Variants in EIF4E2 observed in about 807,000 individuals in gnomAD.
EIF4E2 encodes eukaryotic translation initiation factor 4E type 2.
In EIF4E2, 13 loss-of-function variants were observed where a neutral mutation model predicts 34.2. The observed-to-expected ratio is 0.38, with a 90% CI of 0.25 to 0.60. The LOEUF is 0.60. EIF4E2 is among the 20% of genes least tolerant of loss of function. The pLI is 0.62. For missense variants in EIF4E2, 222 were observed against 315.1 expected, an observed-to-expected ratio of 0.70 and a Z score of 2.24; for synonymous variants, 100 against 106.6, an observed-to-expected ratio of 0.94 and a Z score of 0.38.
At chr2:232,556,989 G>A (rs964762719) in intron 2 of EIF4E2, among the ~76,000 whole-genome samples, 1 of 152,228 alleles carries the variant, frequency 6.6e-6, no homozygotes, top group Non-Finnish European at 1.5e-5. Flanking sequence ...GCTCATGCCT[G>A]TAATCCTAGC....
chr2:232,559,441 AAAAT>A (rs1553582397), intron 3 of EIF4E2, among the ~76,000 whole-genome samples: 1 of 135,356 alleles, frequency 7.4e-6, no homozygotes, highest in African/African-American at 3.4e-5. Context: ...TGGTTTGAAA[AAAAT>A]AAAAAAATAA....
intron 6 of EIF4E2, chr2:232,574,461 T>C: frequency 9.7e-7 from 1 of 1,032,690 alleles, no homozygotes; most frequent in Non-Finnish European, 1.4e-6. Flanking sequence ...AAAATATAAG[T>C]CCCAAACCAC....
chr2:232,566,804 T>C lies in EIF4E2; in HGVS notation c.376-25T>C, dbSNP rs1473314486. 3.7e-6 allele frequency: 6 copies of C among 1,613,424 alleles called. No homozygotes were observed. Among genetic ancestry groups the C allele is most frequent in the Non-Finnish European group, 5.1e-6 (6 of 1,179,856 alleles). On this transcript the variant is annotated intron_variant, in intron 4 of 6. Transcript: ENST00000258416. The surrounding 1 kb of genome is among the most constrained non-coding windows in gnomAD (Gnocchi z 4.9). ...AAAGGCTGTGAAACCATATTTTAAC[T>C]TCAGTGCTTTCTGTCTTTTTACAGG...
intron 1 of EIF4E2, among the ~76,000 whole-genome samples, chr2:232,555,342 A>G (rs1190447): frequency 0.78 from 118,591 of 152,100 alleles, 46,950 homozygotes; most frequent in Middle Eastern, 0.91. Context: ...TCCAGCCCTA[A>G]AATAAATGGC....
intron 4 of EIF4E2, 33 bp downstream of exon 4, chr2:232,564,384 A>C: frequency 7.0e-7 from 1 of 1,433,760 alleles, no homozygotes; most frequent in Non-Finnish European, 9.5e-7. Flanking sequence ...TGCTTTTTTG[A>C]GCAAGTTTGG....
rs748689451 is a variant in EIF4E2 at position 232,567,165 on chromosome 2, C to T, written c.616C>T (p.Leu206=). 5 of 1,614,074 alleles carry T rather than the reference C, an allele frequency of 3.1e-6. No individual in the cohort carries two copies. The highest frequency in any genetic ancestry group is 4.2e-6 in the Non-Finnish European group (5 of 1,180,038). The change falls in exon 6 of 7, where the codon CTA becomes TTA. Residue 206 remains leucine (L), a synonymous_variant. Transcript: ENST00000258416. ...IRDTLRRVLN[L]PPNTIMEYKT... is the part of the protein sequence containing the mutation. Reference sequence around the variant, plus strand: ...GGACACACTTCGGCGAGTGCTTAACCTACCTCCCAACACCATTATGGAATA... The same window carrying T: ...GGACACACTTCGGCGAGTGCTTAACTTACCTCCCAACACCATTATGGAATA...
chr2:232,572,393 T>C (rs1165825012), downstream of EIF4E2, among the ~76,000 whole-genome samples: 1 of 152,156 alleles, frequency 6.6e-6, no homozygotes, highest in Non-Finnish European at 1.5e-5. Flanking sequence ...TGAGATGGAG[T>C]CTCACTCTGT....
intron 1 of EIF4E2, among the ~76,000 whole-genome samples, chr2:232,555,318 T>C (rs1692482999): frequency 6.6e-6 from 1 of 152,190 alleles, no homozygotes; most frequent in African/African-American, 2.4e-5. Context: ...AGAAGATCTG[T>C]GATGAATTAA....
At chr2:232,569,298 T>C, downstream of EIF4E2, 1 of 1,227,222 alleles carries the variant, frequency 8.1e-7, no homozygotes, top group East Asian at 3.4e-5. Flanking sequence ...GGCACAGACT[T>C]TTCCATGGAG....
chr2:232,560,982 T>C (rs1439222795), intron 3 of EIF4E2, among the ~76,000 whole-genome samples: 1 of 152,222 alleles, frequency 6.6e-6, no homozygotes, highest in African/African-American at 2.4e-5. Context: ...GATCCTGTCC[T>C]TGGGGAAATA....
intron 6 of EIF4E2, among the ~76,000 whole-genome samples, chr2:232,580,630 A>G (rs764498306): frequency 6.6e-6 from 1 of 152,208 alleles, no homozygotes; most frequent in Non-Finnish European, 1.5e-5. Context: ...ATTTCTACGA[A>G]TGTGCCCTAG....
At chr2:232,583,029 G>C (rs1272065742) in exon 7 of EIF4E2, 3 of 152,188 alleles carry the variant, frequency 2.0e-5, no homozygotes, top group Admixed American at 2.0e-4. Context: ...AGATTAAATA[G>C]TCAGTTTATC....
At chr2:232,578,371 G>A (rs570001263) in intron 6 of EIF4E2, among the ~76,000 whole-genome samples, 9 of 152,120 alleles carry the variant, frequency 5.9e-5, no homozygotes, top group Admixed American at 3.3e-4. Flanking sequence ...GGTGGCTCAC[G>A]CCTGTAATCC....
At chr2:232,576,097 G>A (rs931629132) in intron 6 of EIF4E2, among the ~76,000 whole-genome samples, 1 of 152,102 alleles carries the variant, frequency 6.6e-6, no homozygotes, top group African/African-American at 2.4e-5. Context: ...CCAGCTACTT[G>A]GGAGGCTGAG....
intron 4 of EIF4E2, among the ~76,000 whole-genome samples, chr2:232,565,588 T>A (rs922850512): frequency 4.0e-5 from 6 of 151,272 alleles, no homozygotes; most frequent in African/African-American, 1.5e-4. Context: ...GAGCCAAGAT[T>A]GTGCCACTGC....
Position 232,560,449 on chromosome 2 carries a change from T to C in EIF4E2, c.270+2431T>C, listed in dbSNP as rs60392497. On this transcript the variant is annotated intron_variant, in intron 3 of 6. Coordinates refer to ENST00000258416, the MANE Select transcript of EIF4E2 (RefSeq NM_004846.4). Reference sequence around the variant, plus strand: ...TGACCTTAGGTTAGGCAAAGCCTTCTTAAGTAACACACTAAACGCACAAGC... The same window carrying C: ...TGACCTTAGGTTAGGCAAAGCCTTCCTAAGTAACACACTAAACGCACAAGC... Among the ~76,000 whole-genome samples the C allele has an allele frequency of 8.3e-3, 1,264 of 152,344 alleles. 18 individuals carry two copies. Among genetic ancestry groups the C allele is most frequent in the African/African-American group, 0.029 (1,211 of 41,582 alleles).
chr2:232,570,974 G>A (rs1381630089), downstream of EIF4E2, among the ~76,000 whole-genome samples: 2 of 152,106 alleles, frequency 1.3e-5, no homozygotes, highest in Non-Finnish European at 2.9e-5. Flanking sequence ...GAAGGAAGAA[G>A]GAGCCAACAT....
downstream of EIF4E2, chr2:232,574,076 G>A (rs2293338): frequency 0.24 from 176,729 of 721,852 alleles, 24,287 homozygotes; most frequent in East Asian, 0.3. Flanking sequence ...GCCCTGAAAG[G>A]GTAGGCTGCT....
chr2:232,552,293 A>G (rs997149120), intron 1 of EIF4E2, among the ~76,000 whole-genome samples: 1 of 151,942 alleles, frequency 6.6e-6, no homozygotes, highest in Admixed American at 6.6e-5. Context: ...CTCACTGCCC[A>G]CTCAACCTCC....
Sources: gnomAD v4.1 joint callset for allele counts (sites outside exome capture counted in the v4.1 genomes callset) on GRCh38, gnomAD v4.1.1 for gene constraint, Gnocchi (gnomAD v3.1) non-coding constraint, MANE v1.5 for transcripts, NCBI Gene and HGNC (gene_info 2026-07-23, HGNC 2026-07-21) for gene names.